CDH1: variants seen among roughly 807,000 people sequenced by gnomAD.
The protein encoded by CDH1 is cadherin-1.
A neutral mutation model predicts 84.5 loss-of-function variants in CDH1; 35 were observed. The observed-to-expected ratio is 0.41, with a 90% CI of 0.32 to 0.55. CDH1 has a LOEUF of 0.55. CDH1 is among the 20% of genes least tolerant of loss of function. The pLI is 0.19. For missense variants in CDH1, 994 were observed against 1,126.6 expected, an observed-to-expected ratio of 0.88 and a Z score of 1.68; for synonymous variants, 417 against 439.0, an observed-to-expected ratio of 0.95 and a Z score of 0.63.
chr16:68,757,551 T>C (rs1015062650), intron 2 of CDH1, among the ~76,000 whole-genome samples: 5 of 152,234 alleles, frequency 3.3e-5, no homozygotes, highest in African/African-American at 1.2e-4. Context: ...ACTTGCCAGA[T>C]GTGAGGTTTC....
At chr16:68,831,335 C>T (rs1961479648) in intron 15 of CDH1, among the ~76,000 whole-genome samples, 1 of 151,028 alleles carries the variant, frequency 6.6e-6, no homozygotes, top group Non-Finnish European at 1.5e-5. Context: ...GGTGATCTGC[C>T]TGCCTTGGCC....
chr16:68,755,930 C>CT (rs1191663567), intron 2 of CDH1, among the ~76,000 whole-genome samples: 1 of 151,546 alleles, frequency 6.6e-6, no homozygotes, highest in Non-Finnish European at 1.5e-5. Context: ...CACCTGGCTA[C>CT]TTTTTGTATT....
At chr16:68,783,668 ATTC>A in intron 2 of CDH1, among the ~76,000 whole-genome samples, 1 of 151,818 alleles carries the variant, frequency 6.6e-6, no homozygotes, top group Non-Finnish European at 1.5e-5. Flanking sequence ...CAGCTCCCTC[ATTC>A]TTTTTATTTT....
At chr16:68,813,666 G>A in intron 9 of CDH1, 171 bp downstream of exon 9, 1 of 768,034 alleles carries the variant, frequency 1.3e-6, no homozygotes, top group Non-Finnish European at 2.4e-6. Flanking sequence ...GCTCATGTAA[G>A]AAATCAAGAA....
At chr16:68,786,965 C>T (rs1444231156) in intron 2 of CDH1, among the ~76,000 whole-genome samples, 1 of 152,204 alleles carries the variant, frequency 6.6e-6, no homozygotes, top group Non-Finnish European at 1.5e-5. Context: ...GTGCAAGCCT[C>T]ACATTCATTC....
chr16:68,770,167 C>T (rs1207105730), intron 2 of CDH1, among the ~76,000 whole-genome samples: 2 of 152,086 alleles, frequency 1.3e-5, no homozygotes, highest in Admixed American at 6.5e-5. Context: ...GCTTTTGGGG[C>T]CACCTGGCCT....
intron 2 of CDH1, among the ~76,000 whole-genome samples, chr16:68,773,521 A>T (rs1194367021): frequency 6.6e-6 from 1 of 151,858 alleles, no homozygotes; most frequent in African/African-American, 2.4e-5. Flanking sequence ...CTGGTCTCGA[A>T]CTCCTGACCT....
intron 2 of CDH1, among the ~76,000 whole-genome samples, chr16:68,783,405 GAAAAAAGA>G (rs1308546401): frequency 2.4e-4 from 30 of 126,464 alleles, no homozygotes; most frequent in Admixed American, 7.0e-4. Flanking sequence ...AAAAAAAAAA[GAAAAAAGA>G]AAAAAAGAAA....
intron 2 of CDH1, among the ~76,000 whole-genome samples, chr16:68,756,119 T>G (rs997613387): frequency 6.6e-6 from 1 of 151,010 alleles, no homozygotes; most frequent in Non-Finnish European, 1.5e-5. Flanking sequence ...TAAACAGGCA[T>G]CATTTAGGGC....
intron 12 of CDH1, 115 bp downstream of exon 12, chr16:68,822,340 A>T: frequency 1.3e-6 from 1 of 759,626 alleles, no homozygotes; most frequent in Non-Finnish European, 2.3e-6. Flanking sequence ...CCTTCCATTG[A>T]TACTTGCTTC....
intron 2 of CDH1, among the ~76,000 whole-genome samples, chr16:68,790,240 T>G (rs970428737): frequency 1.3e-5 from 2 of 152,142 alleles, no homozygotes; most frequent in Non-Finnish European, 2.9e-5. Context: ...TCAGCTGCCC[T>G]TTCCTGCACG....
At chr16:68,825,120 T>A (rs1050773484) in intron 13 of CDH1, among the ~76,000 whole-genome samples, 12 of 152,192 alleles carry the variant, frequency 7.9e-5, no homozygotes, top group Non-Finnish European at 1.2e-4. Context: ...TTAAAAAAAA[T>A]TTTTTAAAAG....
intron 2 of CDH1, among the ~76,000 whole-genome samples, chr16:68,745,611 A>ATATATATGTATGTGTG (rs764568693): frequency 4.3e-5 from 5 of 116,122 alleles, no homozygotes; most frequent in South Asian, 2.7e-4. Context: ...ATGTATGTGT[A>ATATATATGTATGTGTG]TATATATATA....
At position 68,799,647 on chromosome 16, in the gene CDH1, A is replaced by G. The variant is rs184740925; in HGVS notation, c.164-2023A>G. ...TCCCTCTCATACTGTCACTTCTCAA[A>G]GGGTAGGGCTTTGAATAGATAGATT... On this transcript the variant is annotated intron_variant, in intron 2 of 15. Transcript: ENST00000261769. Among the ~76,000 whole-genome samples the G allele has an allele frequency of 4.8e-3, 738 of 152,236 alleles. 1 individual carries two copies. Among genetic ancestry groups the G allele is most frequent in the Admixed American group, 7.3e-3 (112 of 15,282 alleles).
chr16:68,738,457 G>A (rs2152114534), intron 2 of CDH1, 46 bp downstream of exon 2: 1 of 1,376,168 alleles, frequency 7.3e-7, no homozygotes, highest in Non-Finnish European at 1.0e-6. Context: ...GGGAGGGGTT[G>A]GAAAGGGGCC....
intron 2 of CDH1, among the ~76,000 whole-genome samples, chr16:68,766,558 T>C (rs1430725331): frequency 1.3e-5 from 2 of 152,150 alleles, no homozygotes; most frequent in East Asian, 1.9e-4. Context: ...ATGAACAATA[T>C]AGAATGTCAT....
intron 2 of CDH1, among the ~76,000 whole-genome samples, chr16:68,779,648 A>G (rs958580976): frequency 1.3e-5 from 2 of 152,204 alleles, no homozygotes; most frequent in African/African-American, 2.4e-5. Context: ...CACAAAGTCA[A>G]GAGATCGAGA....
At chr16:68,788,467 G>C (rs867427102) in intron 2 of CDH1, among the ~76,000 whole-genome samples, 1 of 152,260 alleles carries the variant, frequency 6.6e-6, no homozygotes, top group African/African-American at 2.4e-5. Context: ...GACAACCCTT[G>C]ATCTGCTTTT....
chr16:68,815,414 A>G (rs898639493), intron 9 of CDH1, 101 bp from the exon 10 acceptor site: 2 of 1,488,322 alleles, frequency 1.3e-6, no homozygotes, highest in African/African-American at 2.8e-5. Context: ...TTTTGCACCA[A>G]CCTAATATAT....
Sources: gnomAD v4.1 joint callset for allele counts (sites outside exome capture counted in the v4.1 genomes callset) on GRCh38, gnomAD v4.1.1 for gene constraint, MANE v1.5 for transcripts, NCBI Gene and HGNC (gene_info 2026-07-23, HGNC 2026-07-21) for gene names.